FRYL: variants seen among roughly 807,000 people sequenced by gnomAD.
The protein encoded by FRYL is protein furry homolog-like.
In FRYL, 150 loss-of-function variants were observed where a neutral mutation model predicts 351.2. The ratio of observed to expected loss-of-function variants is 0.43; its 90% CI spans 0.37 to 0.49. FRYL has a LOEUF of 0.49. Ranked by LOEUF, FRYL falls within the 20% of genes least tolerant of loss-of-function variation. The probability of loss-of-function intolerance (pLI) is 0.00; values close to 1 mark genes in which losing one functional copy is unlikely to be tolerated. For missense variants in FRYL, 3,036 were observed against 3,619.3 expected, an observed-to-expected ratio of 0.84 and a Z score of 4.13; for synonymous variants, 1,153 against 1,257.1, an observed-to-expected ratio of 0.92 and a Z score of 1.75.
chr4:48,767,318 A>G (rs1775065286), intron 1 of FRYL, among the ~76,000 whole-genome samples: 1 of 152,092 alleles, frequency 6.6e-6, no homozygotes, highest in Admixed American at 6.6e-5. Flanking sequence ...GAACTCGCTC[A>G]CTATCACAAG....
In FRYL at chr4:48,570,859, T is replaced by C. The variant is rs1738158761; in HGVS notation, c.2964A>G (p.Glu988=). The C allele has an allele frequency of 6.2e-7, 1 of 1,613,886 alleles. No homozygotes were observed. The highest frequency in any genetic ancestry group is 8.5e-7 in the Non-Finnish European group (1 of 1,179,778). ...ILRVQLVRIF[E]LLADAGVISH... is the part of the protein sequence containing the mutation. ...TAATGACACCAGCATCTGCCAGCAGTTCAAATATTCGTACCAGTTGTACTC... is the reference window on the plus strand; with the variant it reads ...TAATGACACCAGCATCTGCCAGCAGCTCAAATATTCGTACCAGTTGTACTC... The change falls in exon 27 of 64, where the codon GAA becomes GAG. Residue 988 remains glutamate (E), a synonymous_variant. Transcript: ENST00000358350.
At chr4:48,741,145 C>T (rs375645573) in intron 1 of FRYL, among the ~76,000 whole-genome samples, 2 of 152,110 alleles carry the variant, frequency 1.3e-5, no homozygotes, top group East Asian at 1.9e-4. Context: ...TGGTGGCTCA[C>T]GCCTGTGATC....
chr4:48,589,099 T>C (rs1357445578), intron 18 of FRYL, among the ~76,000 whole-genome samples: 1 of 152,192 alleles, frequency 6.6e-6, no homozygotes, highest in Non-Finnish European at 1.5e-5. Context: ...TTCTAAGACC[T>C]ATAATGCAAA....
At chr4:48,688,962 C>A (rs1207391259) in intron 2 of FRYL, among the ~76,000 whole-genome samples, 1 of 152,086 alleles carries the variant, frequency 6.6e-6, no homozygotes, top group Non-Finnish European at 1.5e-5. Flanking sequence ...CGCGGCCAGC[C>A]TCTTTTTAAC....
intron 1 of FRYL, among the ~76,000 whole-genome samples, chr4:48,756,103 C>G (rs1170057980): frequency 1.3e-5 from 2 of 151,704 alleles, no homozygotes; most frequent in Non-Finnish European, 2.9e-5. Context: ...CGTGGTGGCA[C>G]ATGCCTGTAG....
Position 48,540,818 on chromosome 4 carries a change from A to G in FRYL, c.5830T>C (p.Leu1944=), listed in dbSNP as rs1180978076. Residue 1944 remains leucine (L), a synonymous_variant, in exon 46 of 64, where the codon TTA becomes CTA. Coordinates refer to ENST00000358350, the MANE Select transcript of FRYL (RefSeq NM_015030.2). Reference sequence around the variant, plus strand: ...CCTCGTCGGTCACCAATCAAACTTAATCTCAAAGAGTTACTTCTTGCATTA... The same window carrying G: ...CCTCGTCGGTCACCAATCAAACTTAGTCTCAAAGAGTTACTTCTTGCATTA... ...NSNARSNSLR[L]SLIGDRRGDR... 2.2e-5 allele frequency: 36 copies of G among 1,613,916 alleles called. No individual in the cohort carries two copies. The highest frequency in any genetic ancestry group is 3.1e-5 in the Non-Finnish European group (36 of 1,179,954).
chr4:48,500,723 G>A (rs1169506699), intron 62 of FRYL, among the ~76,000 whole-genome samples: 1 of 152,122 alleles, frequency 6.6e-6, no homozygotes, highest in African/African-American at 2.4e-5. Flanking sequence ...CATCTTTGAG[G>A]CTATGTATTG....
intron 1 of FRYL, among the ~76,000 whole-genome samples, chr4:48,734,978 A>C (rs1424219600): frequency 1.3e-5 from 2 of 151,166 alleles, no homozygotes; most frequent in Non-Finnish European, 2.9e-5. Context: ...ATGGAATCTA[A>C]TTAAACTAAA....
At chr4:48,751,473 G>GTCC (rs1270961860) in intron 1 of FRYL, among the ~76,000 whole-genome samples, 17 of 152,190 alleles carry the variant, frequency 1.1e-4, no homozygotes, top group Non-Finnish European at 2.5e-4. Flanking sequence ...ATAAAGGCAT[G>GTCC]TCCAGGACAT....
intron 1 of FRYL, among the ~76,000 whole-genome samples, chr4:48,776,929 A>C (rs1776082746): frequency 6.6e-6 from 1 of 152,192 alleles, no homozygotes; most frequent in Non-Finnish European, 1.5e-5. Flanking sequence ...TGTCACTGTT[A>C]CTTTGTACTT....
At chr4:48,667,336 T>A (rs373560600) in intron 3 of FRYL, among the ~76,000 whole-genome samples, 1 of 151,896 alleles carries the variant, frequency 6.6e-6, no homozygotes, top group African/African-American at 2.4e-5. Flanking sequence ...ACTGGGCACA[T>A]ACAGGAAATG....
intron 20 of FRYL, among the ~76,000 whole-genome samples, chr4:48,581,897 A>T (rs2149164104): frequency 6.6e-6 from 1 of 152,128 alleles, no homozygotes; most frequent in African/African-American, 2.4e-5. Context: ...AAATGAGGGG[A>T]TTGTAGTGTA....
At chr4:48,680,504 T>C (rs1578703272) in intron 3 of FRYL, among the ~76,000 whole-genome samples, 2 of 151,914 alleles carry the variant, frequency 1.3e-5, no homozygotes, top group Non-Finnish European at 2.9e-5. Context: ...ATTCAAAGAT[T>C]TAACTTTTTA....
intron 4 of FRYL, among the ~76,000 whole-genome samples, chr4:48,630,540 C>T (rs1752753527): frequency 6.6e-6 from 1 of 152,138 alleles, no homozygotes; most frequent in East Asian, 1.9e-4. Flanking sequence ...TTGGATATAC[C>T]TAGGTTATTA....
At chr4:48,723,323 A>G (rs554847067) in intron 1 of FRYL, among the ~76,000 whole-genome samples, 1 of 152,042 alleles carries the variant, frequency 6.6e-6, no homozygotes, top group East Asian at 1.9e-4. Flanking sequence ...TTGTATTTTT[A>G]GTAGAGACAG....
intron 49 of FRYL, among the ~76,000 whole-genome samples, chr4:48,532,823 A>G (rs1289521483): frequency 6.6e-6 from 1 of 152,196 alleles, no homozygotes; most frequent in Non-Finnish European, 1.5e-5. Context: ...TTTAAATGTA[A>G]AAGACTATCG....
chr4:48,680,386 T>C (rs1209137542), intron 3 of FRYL, among the ~76,000 whole-genome samples: 1 of 152,004 alleles, frequency 6.6e-6, no homozygotes, highest in African/African-American at 2.4e-5. Flanking sequence ...CTGATGTTTA[T>C]CCTAAAACAT....
chr4:48,579,593 T>C (rs1250903465), intron 22 of FRYL, among the ~76,000 whole-genome samples: 1 of 152,228 alleles, frequency 6.6e-6, no homozygotes, highest in Non-Finnish European at 1.5e-5. Context: ...AACTTTCATG[T>C]TGACCTGTAT....
intron 3 of FRYL, among the ~76,000 whole-genome samples, chr4:48,681,812 A>G (rs1764650480): frequency 6.6e-6 from 1 of 152,190 alleles, no homozygotes; most frequent in Non-Finnish European, 1.5e-5. Flanking sequence ...AAGTACTGAA[A>G]GTATAAATTC....
Sources: gnomAD v4.1 joint callset for allele counts (sites outside exome capture counted in the v4.1 genomes callset) on GRCh38, gnomAD v4.1.1 for gene constraint, MANE v1.5 for transcripts, NCBI Gene and HGNC (gene_info 2026-07-23, HGNC 2026-07-21) for gene names.